ITPRID2: variants seen among roughly 807,000 people sequenced by gnomAD.
ITPRID2 encodes protein ITPRID2.
Under a neutral mutation model 124.3 loss-of-function variants are expected in ITPRID2, and 60 were observed. The observed-to-expected ratio is 0.48, with a 90% CI of 0.39 to 0.60. The LOEUF is 0.60. Among genes scored for constraint, ITPRID2 ranks in the 20% least tolerant of loss-of-function variants. The pLI, the probability that ITPRID2 is intolerant of heterozygous loss-of-function variation, is 0.00. For missense variants in ITPRID2, 1,553 were observed against 1,512.2 expected, an observed-to-expected ratio of 1.03 and a Z score of -0.45; for synonymous variants, 521 against 542.9, an observed-to-expected ratio of 0.96 and a Z score of 0.56.
At chr2:181,923,361 C>T (rs1449778374) in intron 16 of ITPRID2, among the ~76,000 whole-genome samples, 1 of 152,166 alleles carries the variant, frequency 6.6e-6, no homozygotes, top group Non-Finnish European at 1.5e-5. Context: ...AATCAAATCA[C>T]ATTTTCAAAA....
chr2:181,924,726 C>G (rs1457087236), intron 16 of ITPRID2, among the ~76,000 whole-genome samples: 1 of 152,116 alleles, frequency 6.6e-6, no homozygotes, highest in Non-Finnish European at 1.5e-5. Flanking sequence ...CAGTAGAATT[C>G]TTTTTTTGAA....
rs1418555325 is a variant in ITPRID2, at chr2:181,905,083, G to A, written c.1413+2617G>A. 2.1e-5 allele frequency among the ~76,000 whole-genome samples: 3 copies of A among 145,430 alleles called. No homozygotes were observed. The highest frequency in any genetic ancestry group is 2.0e-4 in the East Asian group (1 of 4,992). ...TTTTTTTTTTTTTTGAGACGGAGTCGCGCATTGTCACCCGGGAGTGCAGTG... is the reference window on the plus strand; with the variant it reads ...TTTTTTTTTTTTTTGAGACGGAGTCACGCATTGTCACCCGGGAGTGCAGTG... On this transcript the variant is annotated intron_variant, in intron 8 of 17. Coordinates refer to ENST00000431877, the MANE Select transcript of ITPRID2 (RefSeq NM_001130445.3). This position sits in a 1 kb window ranked among gnomAD's most constrained non-coding sequence, Gnocchi z 4.1.
intron 15 of ITPRID2, among the ~76,000 whole-genome samples, chr2:181,921,438 A>G (rs1694474206): frequency 6.6e-6 from 1 of 152,018 alleles, no homozygotes; most frequent in African/African-American, 2.4e-5. Flanking sequence ...AGATCAAGCC[A>G]TTGCACTCCA....
rs1692736524 is a variant in ITPRID2, at chr2:181,902,349, C to T, written c.1296C>T (p.Ser432=). 1.9e-6 allele frequency: 3 copies of T among 1,613,844 alleles called. No homozygotes were observed. The highest frequency in any genetic ancestry group is 1.7e-6 in the Non-Finnish European group (2 of 1,179,860). ...CCAGCCACAGTGAGCTGGAAAATAGCAGTGAGCTGAAAAGTGTCCATATAT... is the reference window on the plus strand; with the variant it reads ...CCAGCCACAGTGAGCTGGAAAATAGTAGTGAGCTGAAAAGTGTCCATATAT... ...NISSHSELEN[S]SELKSVHIST... is the part of the protein sequence containing the mutation. Residue 432 remains serine, a synonymous_variant, in exon 8 of 18, where the codon AGC becomes AGT. Transcript: ENST00000431877. This position sits in a 1 kb window ranked among gnomAD's most constrained non-coding sequence, Gnocchi z 4.4.
At chr2:181,911,564 A>G (rs1693606948) in intron 9 of ITPRID2, among the ~76,000 whole-genome samples, 1 of 152,170 alleles carries the variant, frequency 6.6e-6, no homozygotes, top group Non-Finnish European at 1.5e-5. Context: ...CAAAGTTTCC[A>G]GATTTTTTTC....
chr2:181,910,409 A>C lies in ITPRID2; in HGVS notation c.1486+438A>C, dbSNP rs1170963985. The C allele has an allele frequency of 5.8e-6, 3 of 516,526 alleles. No individual in the cohort carries two copies. The highest frequency in any genetic ancestry group is 1.0e-5 in the Non-Finnish European group (3 of 289,408). 32.0% of individuals were successfully genotyped at this position (516,526 alleles called of 1,614,324 possible). On this transcript the variant is annotated intron_variant, in intron 9 of 17. Coordinates refer to ENST00000431877, the MANE Select transcript of ITPRID2 (RefSeq NM_001130445.3). The surrounding 1 kb of genome is among the most constrained non-coding windows in gnomAD (Gnocchi z 4.1). ...CAAAACCCACCAATTTTTTAGCAAT[A>C]GTTAAAGCTAGTTAAATTCAAACTA...
At chr2:181,913,012 T>A (rs773845189) in intron 9 of ITPRID2, among the ~76,000 whole-genome samples, 1 of 152,198 alleles carries the variant, frequency 6.6e-6, no homozygotes, top group East Asian at 1.9e-4. Flanking sequence ...ACCAGAGACA[T>A]TTAAGTATGC....
rs1289506787 is a variant in ITPRID2, at chr2:181,907,694, T to C, written c.1414-2205T>C. On this transcript the variant is annotated intron_variant, in intron 8 of 17. Coordinates refer to ENST00000431877, the MANE Select transcript of ITPRID2 (RefSeq NM_001130445.3). This position sits in a 1 kb window ranked among gnomAD's most constrained non-coding sequence, Gnocchi z 5.1. ...AATTCTGTGTTCTATATTTGCTTCA[T>C]AATTCTCTGTGGTGTACCCCATCTC... 1.3e-5 allele frequency among the ~76,000 whole-genome samples: 2 copies of C among 152,186 alleles called. No individual in the cohort carries two copies. The highest frequency in any genetic ancestry group is 4.8e-5 in the African/African-American group (2 of 41,448).
chr2:181,922,301 A>G lies in ITPRID2; in HGVS notation c.3564A>G (p.Val1188=). Reference sequence around the variant, plus strand: ...CAGCTGAAGGAGCCCCAGAAGTTGTAGGACCTAAATCTGAAGTGGAAGAAG... The same window carrying G: ...CAGCTGAAGGAGCCCCAGAAGTTGTGGGACCTAAATCTGAAGTGGAAGAAG... ...VDAAEGAPEV[V]GPKSEVEEGH... Residue 1188 remains valine (V), a synonymous_variant, in exon 16 of 18, where the codon GTA becomes GTG. Transcript: ENST00000431877. The G allele has an allele frequency of 6.2e-7, 1 of 1,614,236 alleles. No homozygotes were observed. The highest frequency in any genetic ancestry group is 8.5e-7 in the Non-Finnish European group (1 of 1,180,046).
intron 2 of ITPRID2, chr2:181,893,955 T>G (rs1185764988): frequency 6.6e-6 from 1 of 152,208 alleles, no homozygotes; most frequent in Non-Finnish European, 1.5e-5. Flanking sequence ...AGGTTTCCAC[T>G]TAGAAATGTG....
At position 181,896,897 on chromosome 2, in the gene ITPRID2, G is replaced by A. The variant is rs2125062737; in HGVS notation, c.308-11G>A. On this transcript the variant is annotated splice_polypyrimidine_tract_variant and intron_variant, in intron 3 of 17. Transcript: ENST00000431877. This position sits in a 1 kb window ranked among gnomAD's most constrained non-coding sequence, Gnocchi z 4.3. ...AGAACACCAGGATGAGTTTTCAAAT[G>A]TGTCTTTCAGGTGTGCTTGTGAGAA... 1 of 1,611,108 alleles carries A rather than the reference G, an allele frequency of 6.2e-7. No homozygotes were observed. Among genetic ancestry groups the A allele is most frequent in the East Asian group, 2.2e-5 (1 of 44,792 alleles).
In ITPRID2 at chr2:181,907,758, A is replaced by G. The variant is rs1463410505; in HGVS notation, c.1414-2141A>G. On this transcript the variant is annotated intron_variant, in intron 8 of 17. Coordinates refer to ENST00000431877, the MANE Select transcript of ITPRID2 (RefSeq NM_001130445.3). The surrounding 1 kb of genome is among the most constrained non-coding windows in gnomAD (Gnocchi z 5.1). ...GCCTTTTGCACAATTGTGACCAATA[A>G]TAAAATAAGAAATTCACCCATTATC... Among the ~76,000 whole-genome samples, 1 of 152,224 alleles carries G rather than the reference A, an allele frequency of 6.6e-6. No homozygotes were observed. Among genetic ancestry groups the G allele is most frequent in the African/African-American group, 2.4e-5 (1 of 41,460 alleles).
rs573413043 is a variant in ITPRID2 at position 181,919,579 on chromosome 2, C to T, written c.3144+133C>T. ...AAAAGCATGCATACTGTTTAAGGAG[C>T]TTTCCCACAAATCAGTTGAATGTAC... is the stretch of plus-strand genomic sequence containing the variant. On this transcript the variant is annotated intron_variant, in intron 14 of 17. Coordinates refer to ENST00000431877, the MANE Select transcript of ITPRID2 (RefSeq NM_001130445.3). The surrounding 1 kb of genome is among the most constrained non-coding windows in gnomAD (Gnocchi z 4.2). 2.3e-6 allele frequency: 2 copies of T among 880,220 alleles called. No homozygotes were observed. Among genetic ancestry groups the T allele is most frequent in the African/African-American group, 1.7e-5 (1 of 57,902 alleles). The allele number at this position is 880,220 out of a possible 1,614,324, so 54.5% of individuals were successfully genotyped here. A position where few individuals can be genotyped will look rare whatever the true frequency, so the allele number is the denominator to read the frequency against.
chr2:181,908,636 T>G (rs916738134), intron 8 of ITPRID2, among the ~76,000 whole-genome samples: 4 of 152,208 alleles, frequency 2.6e-5, no homozygotes, highest in Non-Finnish European at 5.9e-5. Flanking sequence ...GCTTTCAGTT[T>G]TCAAAAGATT....
chr2:181,897,525 AAAGTTTTTAC>A, intron 4 of ITPRID2, among the ~76,000 whole-genome samples: 1 of 152,068 alleles, frequency 6.6e-6, no homozygotes, highest in Non-Finnish European at 1.5e-5. Flanking sequence ...GTGCTATTTA[AAAGTTTTTAC>A]AAGTTATGTA....
In ITPRID2 at chr2:181,928,153, C is replaced by G. The variant is rs1456910071; in HGVS notation, c.3676-8C>G. On this transcript the variant is annotated splice_region_variant and splice_polypyrimidine_tract_variant and intron_variant, in intron 16 of 17. Coordinates refer to ENST00000431877, the MANE Select transcript of ITPRID2 (RefSeq NM_001130445.3). ...GTAAATTTTTGTTTTATTGTTTTTC[C>G]AATCTAGATTAAAGAGTCTATTGTT... is the stretch of plus-strand genomic sequence containing the variant. The G allele has an allele frequency of 6.6e-7, 1 of 1,505,038 alleles. No homozygotes were observed. The allele number at this position is 1,505,038 out of a possible 1,614,324, so 93.2% of individuals were successfully genotyped here. A position where few individuals can be genotyped will look rare whatever the true frequency, so the allele number is the denominator to read the frequency against.
In ITPRID2 at chr2:181,907,209, C is replaced by T. The variant is rs1292614859; in HGVS notation, c.1414-2690C>T. Among the ~76,000 whole-genome samples, 1 of 152,100 alleles carries T rather than the reference C, an allele frequency of 6.6e-6. No homozygotes were observed. The highest frequency in any genetic ancestry group is 1.5e-5 in the Non-Finnish European group (1 of 68,016). On this transcript the variant is annotated intron_variant, in intron 8 of 17. Transcript: ENST00000431877. This position sits in a 1 kb window ranked among gnomAD's most constrained non-coding sequence, Gnocchi z 5.1. ...CTCTTAGTCAAGGTAAACATGACAG[C>T]TGTTAAGAAACCAAAGTGGTTCACT...
In ITPRID2 at chr2:181,901,885, A is replaced by C; in HGVS notation, c.832A>C (p.Lys278Gln). 1 of 1,613,922 alleles carries C rather than the reference A, an allele frequency of 6.2e-7. No individual in the cohort carries two copies. The highest frequency in any genetic ancestry group is 8.5e-7 in the Non-Finnish European group (1 of 1,179,882). The change falls in exon 8 of 18, where the codon AAG (lysine) becomes CAG (glutamine). Residue 278 changes from lysine to glutamine, a missense_variant. Transcript: ENST00000431877. ...IGSMSSVTSN[K>Q]ETDPPPPLTR... ...AAGTATGTCCTCAGTGACCTCTAAC[A>C]AGGAGACAGACCCACCTCCACCTTT...
At chr2:181,913,101 T>C (rs551106058) in intron 9 of ITPRID2, among the ~76,000 whole-genome samples, 1 of 152,218 alleles carries the variant, frequency 6.6e-6, no homozygotes, top group Non-Finnish European at 1.5e-5. Flanking sequence ...GGAGTCTTGC[T>C]CTGTCGCCCA....
Sources: gnomAD v4.1 joint callset for allele counts (sites outside exome capture counted in the v4.1 genomes callset) on GRCh38, gnomAD v4.1.1 for gene constraint, Gnocchi (gnomAD v3.1) non-coding constraint, MANE v1.5 for transcripts, NCBI Gene and HGNC (gene_info 2026-07-23, HGNC 2026-07-21) for gene names.